Variants in ITGA1 observed in about 807,000 individuals in gnomAD.
ITGA1 encodes the protein integrin subunit alpha 1, also known as integrin alpha-1.
In ITGA1, 85 loss-of-function variants were observed where a neutral mutation model predicts 145.9. The observed-to-expected ratio is 0.58, with a 90% CI of 0.49 to 0.70. The LOEUF is 0.70. Ranked by LOEUF, ITGA1 falls within the 30% of genes least tolerant of loss-of-function variation. The pLI, the probability that ITGA1 is intolerant of heterozygous loss-of-function variation, is 0.00. For missense variants in ITGA1, 1,351 were observed against 1,418.7 expected, an observed-to-expected ratio of 0.95 and a Z score of 0.77; for synonymous variants, 520 against 495.3, an observed-to-expected ratio of 1.05 and a Z score of -0.66.
At chr5:52,818,312 A>G (rs889924911) in intron 1 of ITGA1, among the ~76,000 whole-genome samples, 1 of 152,114 alleles carries the variant, frequency 6.6e-6, no homozygotes, top group South Asian at 2.1e-4. Context: ...ACTGGCCACT[A>G]TTACTTTTTG....
intron 1 of ITGA1, among the ~76,000 whole-genome samples, chr5:52,816,617 T>G (rs1371591623): frequency 6.6e-6 from 1 of 152,144 alleles, no homozygotes; most frequent in African/African-American, 2.4e-5. Context: ...TTAGCTATTC[T>G]GGCCATACCT....
chr5:52,923,339 T>C (rs1446917621), intron 18 of ITGA1, among the ~76,000 whole-genome samples: 2 of 152,218 alleles, frequency 1.3e-5, no homozygotes, highest in Non-Finnish European at 2.9e-5. Context: ...TGGCTTTATC[T>C]TCCTCTGGTA....
Position 52,801,525 on chromosome 5 carries a change from C to G in ITGA1, c.61+13111C>G, listed in dbSNP as rs754332528. On this transcript the variant is annotated intron_variant, in intron 1 of 28. Transcript: ENST00000282588. ...GGGAAGTCAAAGCCTTGGATGACTT[C>G]TATAAAATGTTACAGCATGAACCGG... is the stretch of plus-strand genomic sequence containing the variant. 1 of 1,614,136 alleles carries G rather than the reference C, an allele frequency of 6.2e-7. No homozygotes were observed. Among genetic ancestry groups the G allele is most frequent in the East Asian group, 2.2e-5 (1 of 44,880 alleles).
intron 13 of ITGA1, among the ~76,000 whole-genome samples, chr5:52,909,836 T>C (rs1750475548): frequency 6.6e-6 from 1 of 152,016 alleles, no homozygotes; most frequent in Non-Finnish European, 1.5e-5. Flanking sequence ...AGAATAAATT[T>C]TCGCTTTGCA....
chr5:52,933,839 C>A, intron 22 of ITGA1, 55 bp from the exon 23 acceptor site: 2 of 855,528 alleles, frequency 2.3e-6, no homozygotes, highest in African/African-American at 1.8e-5. Context: ...ATAATGAGGC[C>A]AAATAAAAGT....
chr5:52,947,337 A>AT lies in ITGA1; in HGVS notation c.3379-4dup, dbSNP rs1220683728. On this transcript the variant is annotated splice_region_variant and splice_polypyrimidine_tract_variant and intron_variant, in intron 27 of 28. Transcript: ENST00000282588. Reference sequence around the variant, plus strand: ...ATTATGTTAACAATCTTGTTTAATAATTTTCAGCTTGCTATTCAAATATCC... The same window carrying AT: ...ATTATGTTAACAATCTTGTTTAATAATTTTTCAGCTTGCTATTCAAATATCC... The AT allele has an allele frequency of 6.4e-7, 1 of 1,552,432 alleles. No homozygotes were observed. Among genetic ancestry groups the AT allele is most frequent in the East Asian group, 2.2e-5 (1 of 44,578 alleles).
intron 2 of ITGA1, among the ~76,000 whole-genome samples, chr5:52,856,317 A>G (rs532886550): frequency 6.6e-6 from 1 of 152,180 alleles, no homozygotes; most frequent in South Asian, 2.1e-4. Flanking sequence ...TCCTATTAGC[A>G]TGCTGTACAA....
chr5:52,905,824 T>C lies in ITGA1; in HGVS notation c.1371T>C (p.Pro457=). 1 of 1,613,794 alleles carries C rather than the reference T, an allele frequency of 6.2e-7. No homozygotes were observed. Among genetic ancestry groups the C allele is most frequent in the South Asian group, 1.1e-5 (1 of 91,044 alleles). Residue 457 remains proline, a synonymous_variant, in exon 12 of 29, where the codon CCT becomes CCC. Transcript: ENST00000282588. ...ATGTGCTCTATATTGCTGGACAGCC[T>C]CGGTACAATCATACAGGCCAGGTCA... is the stretch of plus-strand genomic sequence containing the variant. ...SGDVLYIAGQ[P]RYNHTGQVII...
At chr5:52,921,092 G>A (rs1315645690) in intron 17 of ITGA1, among the ~76,000 whole-genome samples, 1 of 151,544 alleles carries the variant, frequency 6.6e-6, no homozygotes, top group African/African-American at 2.4e-5. Context: ...AATGTATTTT[G>A]TTGGGACACT....
At chr5:52,802,975 A>T (rs938596912) in intron 1 of ITGA1, 15 of 152,196 alleles carry the variant, frequency 9.9e-5, no homozygotes, top group African/African-American at 3.4e-4. Flanking sequence ...AAAGTTAAGG[A>T]AGGAGCCTCA....
In ITGA1 at chr5:52,849,477, A is replaced by C. The variant is rs750151289; in HGVS notation, c.174A>C (p.Glu58Asp). ...CTGTTCAACAATATGAAAATGAAGA[A>C]GGAAAATGGTAAGCCAGTGGGTTTT... is the stretch of plus-strand genomic sequence containing the variant. ...GYTVQQYENE[E>D]GKWVLIGSPL... The change falls in exon 2 of 29, where the codon GAA (glutamate) becomes GAC (aspartate). Residue 58 changes from glutamate to aspartate, a missense_variant. Physicochemically the swap from Glu to Asp is conservative, Grantham distance 45. Coordinates refer to ENST00000282588, the MANE Select transcript of ITGA1 (RefSeq NM_181501.2). 2 of 1,601,190 alleles carry C rather than the reference A, an allele frequency of 1.2e-6. No homozygotes were observed. Among genetic ancestry groups the C allele is most frequent in the East Asian group, 2.2e-5 (1 of 44,706 alleles).
intron 12 of ITGA1, 120 bp downstream of exon 12, chr5:52,906,028 G>T: frequency 2.5e-6 from 2 of 814,672 alleles, no homozygotes; most frequent in South Asian, 4.0e-5. Context: ...ACTGGGAACA[G>T]GGCCCTGTGT....
intron 18 of ITGA1, 142 bp from the exon 19 acceptor site, chr5:52,925,136 C>A (rs1337993905): frequency 1.1e-5 from 7 of 631,802 alleles, no homozygotes; most frequent in Middle Eastern, 2.9e-4. Context: ...TATAAAATCC[C>A]TTAAGATTTT....
chr5:52,808,067 A>G (rs1748624031), intron 1 of ITGA1, among the ~76,000 whole-genome samples: 1 of 152,184 alleles, frequency 6.6e-6, no homozygotes, highest in South Asian at 2.1e-4. Context: ...GGATTCTGAA[A>G]CACTGTCAAA....
At chr5:52,800,081 T>G in intron 1 of ITGA1, 1 of 349,902 alleles carries the variant, frequency 2.9e-6, no homozygotes, top group South Asian at 3.1e-5. Flanking sequence ...GGACGGGGGC[T>G]GCGCATGCGC....
Position 52,911,954 on chromosome 5 carries a change from C to G in ITGA1, c.1857+1535C>G, listed in dbSNP as rs116103406. Among the ~76,000 whole-genome samples the G allele has an allele frequency of 3.2e-3, 285 of 89,534 alleles. 1 individual carries two copies. Among genetic ancestry groups the G allele is most frequent in the African/African-American group, 0.011 (232 of 20,238 alleles). 58.7% of individuals were successfully genotyped at this position (89,534 alleles called of 152,430 possible). On this transcript the variant is annotated intron_variant, in intron 14 of 28. Coordinates refer to ENST00000282588, the MANE Select transcript of ITGA1 (RefSeq NM_181501.2). ...GTATCTACTATATATACTATATATA[C>G]TATATATAGTGTATCTACTATATAT...
At chr5:52,803,106 TACTA>T (rs778664350) in intron 1 of ITGA1, 2 of 152,188 alleles carry the variant, frequency 1.3e-5, no homozygotes, top group Non-Finnish European at 2.9e-5. Context: ...CAAGTAGTGA[TACTA>T]ACTAAACTTT....
At chr5:52,889,998 A>T (rs1750118957) in intron 8 of ITGA1, 1 of 152,032 alleles carries the variant, frequency 6.6e-6, no homozygotes, top group South Asian at 2.1e-4. Context: ...TGCTTCGTTC[A>T]GGCCAAATTG....
At chr5:52,848,092 T>A (rs1046751983) in intron 1 of ITGA1, among the ~76,000 whole-genome samples, 1 of 152,184 alleles carries the variant, frequency 6.6e-6, no homozygotes, top group Non-Finnish European at 1.5e-5. Context: ...TTTAGATATA[T>A]CATGTGATTT....
Sources: gnomAD v4.1 joint callset for allele counts (sites outside exome capture counted in the v4.1 genomes callset) on GRCh38, gnomAD v4.1.1 for gene constraint, MANE v1.5 for transcripts, NCBI Gene and HGNC (gene_info 2026-07-23, HGNC 2026-07-21) for gene names.